SMYD3: variants seen among roughly 807,000 people sequenced by gnomAD.
SMYD3 encodes the protein histone-lysine N-methyltransferase SMYD3.
Under a neutral mutation model 57.7 loss-of-function variants are expected in SMYD3, and 36 were observed. The ratio of observed to expected loss-of-function variants is 0.62; its 90% confidence interval spans 0.48 to 0.82. The LOEUF (loss-of-function observed/expected upper bound fraction) is 0.82, where lower values mean the gene tolerates loss of function less well. Ranked by LOEUF, SMYD3 falls within the 40% of genes least tolerant of loss-of-function variation. The pLI is 0.00. For synonymous variants in SMYD3, 211 were observed against 195.0 expected, an observed-to-expected ratio of 1.08 and a Z score of -0.68; for missense variants, 515 against 538.8, an observed-to-expected ratio of 0.96 and a Z score of 0.44.
At chr1:245,869,849 T>C (rs945184392) in intron 8 of SMYD3, among the ~76,000 whole-genome samples, 2 of 152,224 alleles carry the variant, frequency 1.3e-5, no homozygotes, top group African/African-American at 4.8e-5. Context: ...TTTAAGTCTT[T>C]GGCTTTCTTC....
rs533419953 is a variant in SMYD3 at position 246,108,069 on chromosome 1, A to G, written c.532-178132T>C. On this transcript the variant is annotated intron_variant, in intron 5 of 11. Transcript: ENST00000490107. ...AACTTGGCCATAAAATGAAAATTAT[A>G]ACGGACTTACAGAGCTCGTCTTCTT... Among the ~76,000 whole-genome samples, 6 of 152,346 alleles carry G rather than the reference A, an allele frequency of 3.9e-5. No homozygotes were observed. In the South Asian group the frequency reaches 1.2e-3, roughly 32 times the overall value.
intron 10 of SMYD3, among the ~76,000 whole-genome samples, chr1:245,793,374 G>A (rs1354927711): frequency 6.6e-6 from 1 of 152,000 alleles, no homozygotes; most frequent in East Asian, 1.9e-4. Context: ...TTTTCCCGCT[G>A]GCAGACAGAG....
intron 5 of SMYD3, among the ~76,000 whole-genome samples, chr1:245,936,794 G>A (rs1045561674): frequency 6.6e-6 from 1 of 151,446 alleles, no homozygotes; most frequent in Non-Finnish European, 1.5e-5. Context: ...AGCTACTCAG[G>A]AGGCTGAGGC....
At chr1:246,266,813 A>G (rs1390351166) in intron 5 of SMYD3, among the ~76,000 whole-genome samples, 1 of 151,914 alleles carries the variant, frequency 6.6e-6, no homozygotes, top group Non-Finnish European at 1.5e-5. Flanking sequence ...GAGAGAGAAG[A>G]GAAAGATAGA....
chr1:246,443,504 AG>A (rs2067501621), intron 1 of SMYD3, among the ~76,000 whole-genome samples: 1 of 152,262 alleles, frequency 6.6e-6, no homozygotes, highest in African/African-American at 2.4e-5. Context: ...TTATTCAGGT[AG>A]ATAACAATCT....
intron 5 of SMYD3, among the ~76,000 whole-genome samples, chr1:246,081,561 T>C (rs977332976): frequency 6.6e-6 from 1 of 152,118 alleles, no homozygotes; most frequent in African/African-American, 2.4e-5. Context: ...CCTGGCTAAT[T>C]TGTTGCATTT....
intron 5 of SMYD3, among the ~76,000 whole-genome samples, chr1:245,979,043 G>A (rs1175895267): frequency 6.6e-6 from 1 of 152,130 alleles, no homozygotes; most frequent in African/African-American, 2.4e-5. Context: ...GTGGCTCTCT[G>A]CTCCATGAGT....
At chr1:246,311,680 C>T (rs774025411) in intron 5 of SMYD3, among the ~76,000 whole-genome samples, 11 of 152,252 alleles carry the variant, frequency 7.2e-5, no homozygotes, top group Non-Finnish European at 1.6e-4. Flanking sequence ...CACACGCACA[C>T]ACACCCCAGC....
At chr1:245,887,821 T>C (rs939441159) in intron 8 of SMYD3, among the ~76,000 whole-genome samples, 6 of 152,072 alleles carry the variant, frequency 3.9e-5, no homozygotes, top group Admixed American at 3.3e-4. Flanking sequence ...GGTTGGCCTA[T>C]GATATATGTC....
At chr1:246,476,888 G>A (rs1269306273) in intron 1 of SMYD3, among the ~76,000 whole-genome samples, 1 of 152,074 alleles carries the variant, frequency 6.6e-6, no homozygotes, top group African/African-American at 2.4e-5. Flanking sequence ...CAAAACTCTT[G>A]ACTATTCAAT....
At chr1:246,167,575 A>T (rs1042030142) in intron 5 of SMYD3, among the ~76,000 whole-genome samples, 6 of 146,748 alleles carry the variant, frequency 4.1e-5, no homozygotes, top group Admixed American at 2.8e-4. Flanking sequence ...CAGTGGCATG[A>T]TCTCAGCTCA....
At chr1:246,213,808 G>A (rs544607563) in intron 5 of SMYD3, among the ~76,000 whole-genome samples, 47 of 152,146 alleles carry the variant, frequency 3.1e-4, no homozygotes, top group Non-Finnish European at 5.6e-4. Flanking sequence ...TGCCTATAAA[G>A]AACGAACTTA....
At chr1:245,824,358 T>C (rs778550031) in intron 10 of SMYD3, among the ~76,000 whole-genome samples, 2 of 152,216 alleles carry the variant, frequency 1.3e-5, no homozygotes, top group Non-Finnish European at 2.9e-5. Flanking sequence ...GATGATTGGA[T>C]GAAACGACAC....
At chr1:246,337,746 AT>A (rs1201805170) in intron 2 of SMYD3, among the ~76,000 whole-genome samples, 1 of 152,228 alleles carries the variant, frequency 6.6e-6, no homozygotes, top group Non-Finnish European at 1.5e-5. Flanking sequence ...ATTTTAATCA[AT>A]GCTCATTTTA....
At chr1:246,484,905 T>C (rs1404438943) in intron 1 of SMYD3, among the ~76,000 whole-genome samples, 50 of 31,410 alleles carry the variant, frequency 1.6e-3, no homozygotes, top group Middle Eastern at 0.024. Context: ...ATACCTAAAC[T>C]ACTGCACTAG....
intron 5 of SMYD3, among the ~76,000 whole-genome samples, chr1:246,003,211 T>C (rs1210902714): frequency 1.3e-5 from 2 of 152,136 alleles, no homozygotes; most frequent in Non-Finnish European, 2.9e-5. Context: ...AAAACTCTAT[T>C]GTTCTGTGGG....
chr1:246,389,718 CT>C lies in SMYD3; in HGVS notation c.165-34625del. ...GACCTCCTTGTAGAAAGCATTCATT[CT>C]TGAAAATCACCTCGAGGTTGAAGTC... On this transcript the variant is annotated intron_variant, in intron 1 of 11. Transcript: ENST00000490107. 5.5e-5 allele frequency among the ~76,000 whole-genome samples: 4 copies of C among 72,550 alleles called. 1 individual carries two copies. Among genetic ancestry groups the C allele is most frequent in the African/African-American group, 1.8e-4 (4 of 22,614 alleles). The allele number at this position is 72,550 out of a possible 152,430, so 47.6% of individuals were successfully genotyped here. A position where few individuals can be genotyped will look rare whatever the true frequency, so the allele number is the denominator to read the frequency against.
chr1:246,180,402 T>G (rs913321644), intron 5 of SMYD3, among the ~76,000 whole-genome samples: 3 of 145,748 alleles, frequency 2.1e-5, no homozygotes, highest in Non-Finnish European at 4.5e-5. Flanking sequence ...TACCTTCCAC[T>G]CAAGGTCATG....
intron 5 of SMYD3, 141 bp from the exon 6 acceptor site, chr1:245,930,078 C>T (rs1026240953): frequency 3.0e-6 from 2 of 670,584 alleles, no homozygotes; most frequent in Non-Finnish European, 5.4e-6. Context: ...CATGGATGCT[C>T]TTTGACTTAC....
Sources: allele counts gnomAD v4.1 joint callset (sites outside exome capture counted in the v4.1 genomes callset), GRCh38; gene constraint gnomAD v4.1.1; transcripts MANE v1.5; gene names NCBI Gene and HGNC (gene_info 2026-07-23, HGNC 2026-07-21).